The following EBF3 variants were observed in gnomAD, a reference collection of about 807,000 sequenced individuals.
The protein encoded by EBF3 is transcription factor COE3.
A neutral mutation model predicts 77.1 loss-of-function variants in EBF3; 18 were observed. The ratio of observed to expected loss-of-function variants is 0.23; its 90% confidence interval spans 0.16 to 0.35. EBF3 has a LOEUF of 0.35. Ranked by LOEUF, EBF3 falls within the 10% of genes least tolerant of loss-of-function variation. EBF3 has a pLI of 1.00. For missense variants in EBF3, 558 were observed against 860.0 expected (o/e 0.65, Z 4.39); for synonymous variants, 350 against 343.5 (o/e 1.02, Z -0.21).
chr10:129,953,223 T>C (rs1858803693), intron 6 of EBF3, among the ~76,000 whole-genome samples: 1 of 152,036 alleles, frequency 6.6e-6, no homozygotes, highest in African/African-American at 2.4e-5. Context: ...AGTCAGGTCA[T>C]CTGACTAAAG....
intron 7 of EBF3, among the ~76,000 whole-genome samples, chr10:129,874,196 A>G (rs11016989): frequency 0.045 from 6,830 of 152,258 alleles, 427 homozygotes; most frequent in African/African-American, 0.14. Flanking sequence ...AGTGTTTTCA[A>G]TCCTGGAAAG....
chr10:129,947,252 T>C lies in EBF3; in HGVS notation c.554+10006A>G, dbSNP rs1858299713. Among the ~76,000 whole-genome samples the C allele has an allele frequency of 6.6e-6, 1 of 152,222 alleles. No homozygotes were observed. The highest frequency in any genetic ancestry group is 6.5e-5 in the Admixed American group (1 of 15,282). Reference sequence around the variant, plus strand: ...GATCTGATTTACAAACCTTTCCTAATGGGAAACAAATGCTGTGGGTGTGAA... The same window carrying C: ...GATCTGATTTACAAACCTTTCCTAACGGGAAACAAATGCTGTGGGTGTGAA... On this transcript the variant is annotated intron_variant, in intron 6 of 16. Coordinates refer to ENST00000440978, the MANE Select transcript of EBF3 (RefSeq NM_001375380.1). This position sits in a 1 kb window ranked among gnomAD's most constrained non-coding sequence, Gnocchi z 4.5.
At chr10:129,839,689 GC>G (rs1202701236) in intron 15 of EBF3, among the ~76,000 whole-genome samples, 1 of 152,246 alleles carries the variant, frequency 6.6e-6, no homozygotes, top group Non-Finnish European at 1.5e-5. Context: ...GTGTGGCCCA[GC>G]AGATAAGGTG....
At chr10:129,884,617 A>G (rs1371025401) in intron 6 of EBF3, among the ~76,000 whole-genome samples, 1 of 152,192 alleles carries the variant, frequency 6.6e-6, no homozygotes, top group African/African-American at 2.4e-5. Flanking sequence ...AGAGGGCGGC[A>G]AGCTTGAATT....
chr10:129,865,582 G>A (rs181388353), intron 10 of EBF3, among the ~76,000 whole-genome samples: 20 of 152,316 alleles, frequency 1.3e-4, no homozygotes, highest in Admixed American at 1.2e-3. Flanking sequence ...ACCACATGGA[G>A]AGTGCTGAGC....
rs71481019 is a variant in EBF3 at position 129,917,651 on chromosome 10, C to CAAAAAAAAAAAAAAAAAAAAAAAAAAAAA, written c.554+39606_554+39607insTTTTTTTTTTTTTTTTTTTTTTTTTTTTT. Among the ~76,000 whole-genome samples, 35 of 23,598 alleles carry CAAAAAAAAAAAAAAAAAAAAAAAAAAAAA rather than the reference C, an allele frequency of 1.5e-3. 5 individuals carry two copies. Among genetic ancestry groups the CAAAAAAAAAAAAAAAAAAAAAAAAAAAAA allele is most frequent in the South Asian group, 3.8e-3 (1 of 266 alleles). 15.5% of individuals were successfully genotyped at this position (23,598 alleles called of 152,430 possible). A position where few individuals can be genotyped will look rare whatever the true frequency, so the allele number is the denominator to read the frequency against. ...TGGGCACCACAGCAAGACCCTGCCT[C>CAAAAAAAAAAAAAAAAAAAAAAAAAAAAA]AAAAAAAAAAAAAAAAAAAAAAAAA... On this transcript the variant is annotated intron_variant, in intron 6 of 16. Coordinates refer to ENST00000440978, the MANE Select transcript of EBF3 (RefSeq NM_001375380.1).
intron 6 of EBF3, among the ~76,000 whole-genome samples, chr10:129,945,097 A>G (rs558700209): frequency 9.6e-5 from 1 of 10,464 alleles, no homozygotes; most frequent in South Asian, 9.1e-3. Context: ...AGGAGAAGGG[A>G]GGGGAGGGGA....
chr10:129,958,899 G>A, intron 5 of EBF3, 35 bp downstream of exon 5: 1 of 1,579,774 alleles, frequency 6.3e-7, no homozygotes, highest in Non-Finnish European at 8.6e-7. Context: ...CGCCGAGGCA[G>A]CCCGCGCCCC....
At chr10:129,917,935 G>A (rs1403419188) in intron 6 of EBF3, among the ~76,000 whole-genome samples, 4 of 152,174 alleles carry the variant, frequency 2.6e-5, no homozygotes, top group Non-Finnish European at 2.9e-5. Flanking sequence ...TAACAATCAT[G>A]AACTGTCCTA....
Position 129,944,974 on chromosome 10 carries a change from C to T in EBF3, c.554+12284G>A, listed in dbSNP as rs1469826453. Among the ~76,000 whole-genome samples, 1 of 146,282 alleles carries T rather than the reference C, an allele frequency of 6.8e-6. No individual in the cohort carries two copies. The highest frequency in any genetic ancestry group is 1.5e-5 in the Non-Finnish European group (1 of 67,294). On this transcript the variant is annotated intron_variant, in intron 6 of 16. Coordinates refer to ENST00000440978, the MANE Select transcript of EBF3 (RefSeq NM_001375380.1). This position sits in a 1 kb window ranked among gnomAD's most constrained non-coding sequence, Gnocchi z 5.1. The stretch of plus-strand genomic sequence containing the variant: ...TACTTGACATTTATGTACCATGATG[C>T]ATTTCTTGGTAAACTGATTTTGCAA...
chr10:129,912,778 T>C (rs1855613507), intron 6 of EBF3, among the ~76,000 whole-genome samples: 1 of 152,238 alleles, frequency 6.6e-6, no homozygotes, highest in Non-Finnish European at 1.5e-5. Context: ...TTGAATAAAT[T>C]GTGGATTTTA....
intron 6 of EBF3, among the ~76,000 whole-genome samples, chr10:129,905,029 G>A (rs575353507): frequency 9.2e-5 from 14 of 152,262 alleles, no homozygotes; most frequent in South Asian, 2.1e-4. Flanking sequence ...GCAAGGCTGC[G>A]CCTTTCAGGG....
chr10:129,954,326 C>T (rs1202686368), intron 6 of EBF3, among the ~76,000 whole-genome samples: 1 of 151,984 alleles, frequency 6.6e-6, no homozygotes, highest in Non-Finnish European at 1.5e-5. Context: ...GTTCCTCTAG[C>T]AATGTTTTAT....
intron 6 of EBF3, among the ~76,000 whole-genome samples, chr10:129,927,347 G>T (rs1856742513): frequency 6.6e-6 from 1 of 152,126 alleles, no homozygotes; most frequent in Non-Finnish European, 1.5e-5. Context: ...TACATAAAAA[G>T]TTAATTTCCC....
At chr10:129,921,891 A>T (rs1229118032) in intron 6 of EBF3, among the ~76,000 whole-genome samples, 7 of 152,188 alleles carry the variant, frequency 4.6e-5, no homozygotes, top group Admixed American at 4.6e-4. Flanking sequence ...CTCACTAGCC[A>T]GCCACATCCG....
chr10:129,959,415 A>C lies in EBF3; in HGVS notation c.412-408T>G, dbSNP rs930727418. Reference sequence around the variant, plus strand: ...CGCGCCGCCGCCAGGCCGCGTCCTCAGGCCATTGTCTACAACGAGTTCCAA... The same window carrying C: ...CGCGCCGCCGCCAGGCCGCGTCCTCCGGCCATTGTCTACAACGAGTTCCAA... On this transcript the variant is annotated intron_variant, in intron 4 of 16. Coordinates refer to ENST00000440978, the MANE Select transcript of EBF3 (RefSeq NM_001375380.1). Among the ~76,000 whole-genome samples the C allele has an allele frequency of 2.6e-5, 4 of 152,142 alleles. No homozygotes were observed. The East Asian group carries it at 7.8e-4, about 30-fold the overall frequency.
intron 6 of EBF3, among the ~76,000 whole-genome samples, chr10:129,939,374 A>C (rs573097313): frequency 4.6e-5 from 7 of 152,210 alleles, no homozygotes; most frequent in Non-Finnish European, 1.0e-4. Flanking sequence ...TCTACATAAG[A>C]AACTCCAGAC....
At chr10:129,869,690 G>A (rs560008991) in intron 8 of EBF3, among the ~76,000 whole-genome samples, 28 of 152,274 alleles carry the variant, frequency 1.8e-4, no homozygotes, top group African/African-American at 5.3e-4. Flanking sequence ...GCACACCGCC[G>A]ACATGCCACC....
chr10:129,844,553 G>A (rs1850319641), intron 11 of EBF3, among the ~76,000 whole-genome samples: 2 of 152,066 alleles, frequency 1.3e-5, no homozygotes, highest in African/African-American at 4.8e-5. Flanking sequence ...GGACTCACTC[G>A]CCTCATTGTT....
Sources: gnomAD v4.1 joint callset for allele counts (sites outside exome capture counted in the v4.1 genomes callset) on GRCh38, gnomAD v4.1.1 for gene constraint, Gnocchi (gnomAD v3.1) non-coding constraint, MANE v1.5 for transcripts, NCBI Gene and HGNC (gene_info 2026-07-23, HGNC 2026-07-21) for gene names.